CTNNA2: variants seen among roughly 807,000 people sequenced by gnomAD.
CTNNA2 encodes catenin alpha 2, also known as catenin alpha-2.
A neutral mutation model predicts 101.0 loss-of-function variants in CTNNA2; 42 were observed. The ratio of observed to expected loss-of-function variants is 0.42; its 90% CI spans 0.32 to 0.54. CTNNA2 has a LOEUF of 0.54. Among genes scored for constraint, CTNNA2 ranks in the 20% least tolerant of loss-of-function variants. CTNNA2 has a pLI of 0.14. For missense variants in CTNNA2, 871 were observed against 1,223.1 expected (o/e 0.71, Z 4.29); for synonymous variants, 450 against 456.4 (o/e 0.99, Z 0.18).
At chr2:80,354,178 C>G (rs1244262975) in intron 7 of CTNNA2, among the ~76,000 whole-genome samples, 1 of 152,062 alleles carries the variant, frequency 6.6e-6, no homozygotes, top group African/African-American at 2.4e-5. Flanking sequence ...CAGGAGTACT[C>G]CTATCCAAAC....
At chr2:80,580,861 C>T (rs1695474511) in intron 13 of CTNNA2, among the ~76,000 whole-genome samples, 2 of 152,030 alleles carry the variant, frequency 1.3e-5, no homozygotes, top group African/African-American at 4.8e-5. Context: ...CTAAAAAATA[C>T]AAAAATTAGC....
At chr2:80,229,638 C>T (rs1161980568) in intron 7 of CTNNA2, among the ~76,000 whole-genome samples, 1 of 152,122 alleles carries the variant, frequency 6.6e-6, no homozygotes, top group Admixed American at 6.5e-5. Flanking sequence ...ATGGAGGTCT[C>T]ATTACATAGG....
chr2:79,610,206 A>T (rs1238432314), intron 1 of CTNNA2, among the ~76,000 whole-genome samples: 1 of 152,154 alleles, frequency 6.6e-6, no homozygotes, highest in Non-Finnish European at 1.5e-5. Context: ...TGTAAATTAG[A>T]ACCTTAATGT....
chr2:79,382,843 T>C (rs1678055015), intron 4 of CTNNA2, among the ~76,000 whole-genome samples: 1 of 152,182 alleles, frequency 6.6e-6, no homozygotes, highest in African/African-American at 2.4e-5. Flanking sequence ...CTCGATTTCC[T>C]GACTTCGTGA....
chr2:79,817,083 C>T (rs571963363), intron 3 of CTNNA2, among the ~76,000 whole-genome samples: 11 of 151,808 alleles, frequency 7.2e-5, no homozygotes, highest in East Asian at 1.9e-4. Context: ...ATGTGCCCAA[C>T]GTGCAGGTTT....
At chr2:79,984,958 C>A (rs1691658464) in intron 7 of CTNNA2, among the ~76,000 whole-genome samples, 1 of 152,208 alleles carries the variant, frequency 6.6e-6, no homozygotes, top group Admixed American at 6.5e-5. Flanking sequence ...GGAACACAGC[C>A]ATGCCCATTT....
chr2:79,441,884 C>T (rs2104519044), intron 4 of CTNNA2, among the ~76,000 whole-genome samples: 1 of 152,148 alleles, frequency 6.6e-6, no homozygotes, highest in East Asian at 1.9e-4. Context: ...TAGAACAAGT[C>T]AAGTGTTGTC....
chr2:79,922,080 C>T (rs1281293392), intron 7 of CTNNA2, among the ~76,000 whole-genome samples: 1 of 152,190 alleles, frequency 6.6e-6, no homozygotes, highest in Non-Finnish European at 1.5e-5. Flanking sequence ...ACGTAATCAA[C>T]ACTGGATTCA....
At chr2:79,510,468 A>G (rs938543326), upstream of CTNNA2, among the ~76,000 whole-genome samples, 1 of 152,236 alleles carries the variant, frequency 6.6e-6, no homozygotes, top group Non-Finnish European at 1.5e-5. Flanking sequence ...TCAGAGGGAA[A>G]TAAATATGGC....
At chr2:79,769,191 T>C (rs922664066) in intron 3 of CTNNA2, among the ~76,000 whole-genome samples, 1 of 152,164 alleles carries the variant, frequency 6.6e-6, no homozygotes, top group African/African-American at 2.4e-5. Context: ...CTTAGAATTC[T>C]TTTTTTCCCC....
intron 9 of CTNNA2, among the ~76,000 whole-genome samples, chr2:80,420,729 C>T (rs909948280): frequency 6.6e-5 from 10 of 152,094 alleles, no homozygotes; most frequent in Non-Finnish European, 1.3e-4. Flanking sequence ...ACTGCAGGTG[C>T]CTCGGGCTGA....
intron 12 of CTNNA2, among the ~76,000 whole-genome samples, chr2:80,563,012 C>T (rs1351065610): frequency 1.1e-5 from 1 of 89,694 alleles, no homozygotes; most frequent in African/African-American, 4.9e-5. Flanking sequence ...GCAGAACAAA[C>T]AGCACTTCTC....
intron 4 of CTNNA2, among the ~76,000 whole-genome samples, chr2:79,475,410 T>G (rs1314294472): frequency 6.6e-6 from 1 of 152,052 alleles, no homozygotes; most frequent in Non-Finnish European, 1.5e-5. Context: ...TTATTCTTAT[T>G]TTTTTTTCCT....
chr2:79,566,549 T>G (rs893172462), intron 1 of CTNNA2, among the ~76,000 whole-genome samples: 1 of 152,080 alleles, frequency 6.6e-6, no homozygotes, highest in Non-Finnish European at 1.5e-5. Context: ...ACCCAAAAGA[T>G]GAAATGCTGA....
At chr2:80,534,746 T>G (rs1690848446) in intron 9 of CTNNA2, among the ~76,000 whole-genome samples, 1 of 152,148 alleles carries the variant, frequency 6.6e-6, no homozygotes, top group Non-Finnish European at 1.5e-5. Flanking sequence ...AATTGGCAAT[T>G]CACTTATTCC....
rs184835536 is a variant in CTNNA2 at position 80,436,849 on chromosome 2, C to G, written c.1290+17248C>G. On this transcript the variant is annotated intron_variant, in intron 9 of 18. Transcript: ENST00000402739. ...CCTCCTCGCCTCCCAAAGACCTCAC[C>G]TCTTAATACCTCCACTTTGAGGATT... Among the ~76,000 whole-genome samples the G allele has an allele frequency of 2.8e-3, 429 of 152,262 alleles. 3 individuals carry two copies. The highest frequency in any genetic ancestry group is 5.0e-3 in the South Asian group (24 of 4,822).
intron 1 of CTNNA2, among the ~76,000 whole-genome samples, chr2:79,514,370 G>A (rs1308203720): frequency 1.3e-5 from 2 of 152,124 alleles, no homozygotes; most frequent in Non-Finnish European, 2.9e-5. Context: ...CACCCACCTC[G>A]TAGGACCCCT....
At chr2:79,248,905 C>T (rs1309961921) in intron 2 of CTNNA2, among the ~76,000 whole-genome samples, 1 of 152,182 alleles carries the variant, frequency 6.6e-6, no homozygotes, top group African/African-American at 2.4e-5. Context: ...GTTATTTCAG[C>T]ACCCTATCTA....
At chr2:79,861,613 G>A (rs1323812636) in intron 4 of CTNNA2, among the ~76,000 whole-genome samples, 1 of 152,178 alleles carries the variant, frequency 6.6e-6, no homozygotes, top group Non-Finnish European at 1.5e-5. Flanking sequence ...AGGTATCTTA[G>A]TTGCTCAAGT....
Sources: allele counts gnomAD v4.1 joint callset (sites outside exome capture counted in the v4.1 genomes callset), GRCh38; gene constraint gnomAD v4.1.1; transcripts MANE v1.5; gene names NCBI Gene and HGNC (gene_info 2026-07-23, HGNC 2026-07-21).